PRKN: variants seen among roughly 807,000 people sequenced by gnomAD.
The protein encoded by PRKN is parkin RBR E3 ubiquitin protein ligase, also known as E3 ubiquitin-protein ligase parkin.
PRKN carries 56 observed loss-of-function variants against 59.5 expected under a neutral mutation model. The ratio of observed to expected loss-of-function variants is 0.94; its 90% CI spans 0.76 to 1.18. The LOEUF is 1.18. Among genes scored for constraint, PRKN ranks in the 50% most tolerant of loss-of-function variants. The pLI is 0.00. For missense variants in PRKN, 657 were observed against 596.4 expected (o/e 1.10, Z -1.06); for synonymous variants, 250 against 222.1 (o/e 1.13, Z -1.12).
In PRKN at chr6:161,709,863, C is replaced by A. The variant is rs145609858; in HGVS notation, c.871+75909G>T. ...CCAAAACATACAAATTACCAAGATA[C>A]CTTAAATGTCTTTGGAATATAGCAC... is the stretch of plus-strand genomic sequence containing the variant. On this transcript the variant is annotated intron_variant, in intron 7 of 11. Coordinates refer to ENST00000366898, the MANE Select transcript of PRKN (RefSeq NM_004562.3). Among the ~76,000 whole-genome samples, 983 of 152,162 alleles carry A rather than the reference C, an allele frequency of 6.5e-3. 6 individuals are homozygous for A. The highest frequency in any genetic ancestry group is 0.024 in the Middle Eastern group (7 of 294).
Position 161,946,412 on chromosome 6 carries a change from A to ACT in PRKN, c.734+26889_734+26890insAG, listed in dbSNP as rs1397205372. Among the ~76,000 whole-genome samples the ACT allele has an allele frequency of 1.6e-3, 151 of 94,278 alleles. 1 individual carries two copies. The highest frequency in any genetic ancestry group is 5.1e-3 in the East Asian group (13 of 2,534). 61.9% of individuals were successfully genotyped at this position (94,278 alleles called of 152,430 possible). A position where few individuals can be genotyped will look rare whatever the true frequency, so the allele number is the denominator to read the frequency against. ...CACACACACACACACACACACACACACACTCTCTCTCTCTCTCTCTCTCTC... is the reference window on the plus strand; with the variant it reads ...CACACACACACACACACACACACACACTCACTCTCTCTCTCTCTCTCTCTCTC... On this transcript the variant is annotated intron_variant, in intron 6 of 11. Transcript: ENST00000366898.
intron 2 of PRKN, among the ~76,000 whole-genome samples, chr6:162,359,017 G>C (rs1785003320): frequency 7.1e-6 from 1 of 140,504 alleles, no homozygotes; most frequent in Non-Finnish European, 1.5e-5. Context: ...CCGAGATTGT[G>C]CTACTGCACA....
At chr6:162,305,408 CT>C (rs11430361) in intron 2 of PRKN, among the ~76,000 whole-genome samples, 13 of 151,216 alleles carry the variant, frequency 8.6e-5, no homozygotes, top group Non-Finnish European at 1.8e-4. Context: ...ATTATCATTG[CT>C]TTTTTTTTAA....
chr6:162,116,590 T>C (rs1438885125), intron 4 of PRKN, among the ~76,000 whole-genome samples: 1 of 152,182 alleles, frequency 6.6e-6, no homozygotes, highest in Admixed American at 6.6e-5. Context: ...CCTGTATACG[T>C]TTACGCTGCA....
chr6:161,681,902 C>T (rs1444430862), intron 7 of PRKN, among the ~76,000 whole-genome samples: 1 of 152,256 alleles, frequency 6.6e-6, no homozygotes, highest in Non-Finnish European at 1.5e-5. Flanking sequence ...AGGACGTCTG[C>T]AATGCCAAGA....
chr6:161,987,150 C>T (rs1306568452), intron 5 of PRKN, among the ~76,000 whole-genome samples: 1 of 152,172 alleles, frequency 6.6e-6, no homozygotes, highest in African/African-American at 2.4e-5. Flanking sequence ...AATACTTTCT[C>T]ACATTCTATA....
At chr6:161,351,228 T>C (rs1784539673) in intron 11 of PRKN, among the ~76,000 whole-genome samples, 1 of 145,826 alleles carries the variant, frequency 6.9e-6, no homozygotes, top group African/African-American at 2.5e-5. Context: ...AATTTAAATA[T>C]ATTTTGATTT....
chr6:162,425,166 C>G (rs754363646), intron 2 of PRKN, among the ~76,000 whole-genome samples: 1 of 152,046 alleles, frequency 6.6e-6, no homozygotes, highest in South Asian at 2.1e-4. Flanking sequence ...GCTCTTCCTT[C>G]GACAAAAGGT....
At chr6:161,583,705 T>A (rs1781427168) in intron 7 of PRKN, among the ~76,000 whole-genome samples, 1 of 152,198 alleles carries the variant, frequency 6.6e-6, no homozygotes, top group Non-Finnish European at 1.5e-5. Flanking sequence ...TTAAGGATGT[T>A]GCATCATACT....
At chr6:162,173,255 C>G (rs536560501) in intron 4 of PRKN, among the ~76,000 whole-genome samples, 1 of 150,428 alleles carries the variant, frequency 6.6e-6, no homozygotes, top group South Asian at 2.1e-4. Context: ...ACAGTCATTG[C>G]CCCCAGATTC....
chr6:161,357,354 G>A lies in PRKN; in HGVS notation c.1285+2734C>T, dbSNP rs1279424959. Among the ~76,000 whole-genome samples the A allele has an allele frequency of 1.3e-5, 2 of 152,018 alleles. No homozygotes were observed. Among genetic ancestry groups the A allele is most frequent in the African/African-American group, 4.8e-5 (2 of 41,394 alleles). ...GGTGTGAGCCACCACTCCCAGCCTCGCTGACCACTTCTTATCTTGCAAACT... is the reference window on the plus strand; with the variant it reads ...GGTGTGAGCCACCACTCCCAGCCTCACTGACCACTTCTTATCTTGCAAACT... On this transcript the variant is annotated intron_variant, in intron 11 of 11. Coordinates refer to ENST00000366898, the MANE Select transcript of PRKN (RefSeq NM_004562.3). The surrounding 1 kb of genome is among the most constrained non-coding windows in gnomAD (Gnocchi z 5.5).
chr6:162,351,500 G>A (rs995234064), intron 2 of PRKN, among the ~76,000 whole-genome samples: 1 of 152,078 alleles, frequency 6.6e-6, no homozygotes, highest in African/African-American at 2.4e-5. Context: ...ATGGAAAATG[G>A]TACAACTACT....
In PRKN at chr6:161,578,521, G is replaced by T. The variant is rs2128137210; in HGVS notation, c.872-9105C>A. ...CTTCCTTAGGACTTTGTCTCACTGT[G>T]TCCACTGACCCCAAACTACTATGTC... On this transcript the variant is annotated intron_variant, in intron 7 of 11. Coordinates refer to ENST00000366898, the MANE Select transcript of PRKN (RefSeq NM_004562.3). This position sits in a 1 kb window ranked among gnomAD's most constrained non-coding sequence, Gnocchi z 4.2. Among the ~76,000 whole-genome samples the T allele has an allele frequency of 6.6e-6, 1 of 152,234 alleles. No individual in the cohort carries two copies.
intron 7 of PRKN, among the ~76,000 whole-genome samples, chr6:161,750,368 T>A (rs1052037018): frequency 6.6e-6 from 1 of 152,156 alleles, no homozygotes; most frequent in African/African-American, 2.4e-5. Context: ...TCTGAATAAT[T>A]GTTGAAACTA....
intron 7 of PRKN, among the ~76,000 whole-genome samples, chr6:161,757,933 G>GTGTGTATATATATATATATATA (rs1554301354): frequency 9.9e-6 from 1 of 101,432 alleles, no homozygotes; most frequent in African/African-American, 3.8e-5. Context: ...CTCTCTCTCT[G>GTGTGTATATATATATATATATA]TATATATATG....
intron 4 of PRKN, among the ~76,000 whole-genome samples, chr6:162,181,308 T>G (rs889685254): frequency 2.0e-5 from 3 of 152,240 alleles, no homozygotes; most frequent in Non-Finnish European, 4.4e-5. Flanking sequence ...ACAAACCATT[T>G]GCATATTTCT....
intron 1 of PRKN, chr6:162,568,761 C>G (rs1780191962): frequency 1.3e-6 from 1 of 744,164 alleles, no homozygotes; most frequent in Non-Finnish European, 2.5e-6. Flanking sequence ...TAGGGGGCAG[C>G]CGGACACTCT....
At chr6:162,705,823 A>T (rs1452899262) in intron 1 of PRKN, among the ~76,000 whole-genome samples, 1 of 152,106 alleles carries the variant, frequency 6.6e-6, no homozygotes, top group East Asian at 1.9e-4. Flanking sequence ...GTTTCCTATA[A>T]GTAAACTCAG....
At chr6:162,726,579 T>C (rs911687563) in intron 1 of PRKN, among the ~76,000 whole-genome samples, 5 of 152,170 alleles carry the variant, frequency 3.3e-5, no homozygotes, top group Admixed American at 3.3e-4. Context: ...ATGGGGAGAA[T>C]GTTTACATTT....
Sources: gnomAD v4.1 joint callset for allele counts (sites outside exome capture counted in the v4.1 genomes callset) on GRCh38, gnomAD v4.1.1 for gene constraint, Gnocchi (gnomAD v3.1) non-coding constraint, MANE v1.5 for transcripts, NCBI Gene and HGNC (gene_info 2026-07-23, HGNC 2026-07-21) for gene names.